PTPRD: variants seen among roughly 807,000 people sequenced by gnomAD.
The protein encoded by PTPRD is receptor-type tyrosine-protein phosphatase delta.
A neutral mutation model predicts 214.5 loss-of-function variants in PTPRD; 34 were observed. The observed-to-expected ratio is 0.16, with a 90% CI of 0.12 to 0.21. The LOEUF (loss-of-function observed/expected upper bound fraction) is 0.21. Among genes scored for constraint, PTPRD ranks in the 10% least tolerant of loss-of-function variants. PTPRD has a pLI of 1.00. For missense variants in PTPRD, 2,545 were observed against 2,398.7 expected (o/e 1.06, Z -1.27); for synonymous variants, 1,128 against 845.7 (o/e 1.33, Z -5.79).
intron 36 of PTPRD, among the ~76,000 whole-genome samples, chr9:8,396,938 T>G (rs959257168): frequency 1.3e-5 from 2 of 152,178 alleles, no homozygotes; most frequent in Non-Finnish European, 2.9e-5. Flanking sequence ...TTTTATGTAT[T>G]TTTTTAAAAA....
intron 3 of PTPRD, among the ~76,000 whole-genome samples, chr9:10,129,326 T>G (rs953504016): frequency 6.6e-6 from 1 of 152,112 alleles, no homozygotes; most frequent in South Asian, 2.1e-4. Flanking sequence ...TCTTTAATCA[T>G]CAAAATTTGT....
At chr9:8,616,507 C>T (rs2095616320) in intron 14 of PTPRD, among the ~76,000 whole-genome samples, 1 of 152,106 alleles carries the variant, frequency 6.6e-6, no homozygotes, top group South Asian at 2.1e-4. Flanking sequence ...TTACTTCAGA[C>T]TCTAGGCAGA....
rs1598324276 is a variant in PTPRD at position 9,804,417 on chromosome 9, T to C, written c.-367-37566A>G. 2.6e-5 allele frequency among the ~76,000 whole-genome samples: 4 copies of C among 152,290 alleles called. No individual in the cohort carries two copies. In the South Asian group the frequency reaches 8.3e-4, roughly 32 times the overall value. ...AAAAAGTTTAAATGGGTAAATTGAA[T>C]GTCTACTAAAATTGTGAATTTATGA... On this transcript the variant is annotated intron_variant, in intron 5 of 45. Coordinates refer to ENST00000381196, the MANE Select transcript of PTPRD (RefSeq NM_002839.4).
At chr9:9,748,952 G>C (rs1157261038) in intron 6 of PTPRD, among the ~76,000 whole-genome samples, 1 of 152,142 alleles carries the variant, frequency 6.6e-6, no homozygotes, top group Non-Finnish European at 1.5e-5. Flanking sequence ...GTGATAATTT[G>C]AGGTGGGAAA....
At chr9:9,971,572 G>A (rs2095104844) in intron 4 of PTPRD, among the ~76,000 whole-genome samples, 1 of 152,146 alleles carries the variant, frequency 6.6e-6, no homozygotes, top group African/African-American at 2.4e-5. Flanking sequence ...TATGGCATAG[G>A]ATTCAATTAA....
intron 11 of PTPRD, among the ~76,000 whole-genome samples, chr9:8,766,845 G>A (rs1194838537): frequency 1.3e-5 from 2 of 152,112 alleles, no homozygotes; most frequent in Non-Finnish European, 2.9e-5. Flanking sequence ...ATGTGTTTGT[G>A]ACCAGACATA....
chr9:9,980,920 G>A (rs1047594181), intron 4 of PTPRD, among the ~76,000 whole-genome samples: 14 of 104,814 alleles, frequency 1.3e-4, no homozygotes, highest in Non-Finnish European at 2.7e-4. Flanking sequence ...GCTATTGAGA[G>A]AAAAGGGAAT....
intron 11 of PTPRD, among the ~76,000 whole-genome samples, chr9:8,871,772 A>G (rs2098303484): frequency 7.1e-6 from 1 of 141,680 alleles, no homozygotes; most frequent in East Asian, 2.4e-4. Flanking sequence ...TTACCTTGGT[A>G]CAGCAATAAT....
chr9:9,518,543 T>C (rs2096890312), intron 8 of PTPRD, among the ~76,000 whole-genome samples: 1 of 152,094 alleles, frequency 6.6e-6, no homozygotes, highest in Non-Finnish European at 1.5e-5. Flanking sequence ...GAAATTGATA[T>C]TCTGGCAATG....
chr9:9,179,815 T>C (rs2099927107), intron 10 of PTPRD, among the ~76,000 whole-genome samples: 1 of 152,056 alleles, frequency 6.6e-6, no homozygotes, highest in East Asian at 1.9e-4. Context: ...TGAATTCTTG[T>C]GTGATGTAGC....
intron 4 of PTPRD, among the ~76,000 whole-genome samples, chr9:9,974,821 G>A (rs1017153113): frequency 5.3e-5 from 8 of 152,100 alleles, no homozygotes; most frequent in African/African-American, 1.2e-4. Flanking sequence ...AATATTCGTT[G>A]AATTAATAAA....
At chr9:10,366,914 C>T (rs1244911756) in intron 2 of PTPRD, among the ~76,000 whole-genome samples, 2 of 151,862 alleles carry the variant, frequency 1.3e-5, no homozygotes, top group East Asian at 3.9e-4. Flanking sequence ...AAAAGAACAC[C>T]AGGATAATGA....
At chr9:10,134,166 A>G (rs2098924636) in intron 3 of PTPRD, among the ~76,000 whole-genome samples, 1 of 152,054 alleles carries the variant, frequency 6.6e-6, no homozygotes, top group Admixed American at 6.6e-5. Context: ...ACCCACAGAC[A>G]TATACCACAA....
At chr9:8,708,360 G>T (rs943400491) in intron 12 of PTPRD, among the ~76,000 whole-genome samples, 7 of 152,020 alleles carry the variant, frequency 4.6e-5, no homozygotes, top group African/African-American at 1.7e-4. Flanking sequence ...AAACAGTATG[G>T]AAGTTCCTTA....
At chr9:9,444,555 T>C (rs1368957333) in intron 8 of PTPRD, among the ~76,000 whole-genome samples, 3 of 152,194 alleles carry the variant, frequency 2.0e-5, no homozygotes, top group African/African-American at 7.2e-5. Flanking sequence ...TAAACACAGA[T>C]GTTTTTATGG....
At chr9:8,564,486 G>A (rs896122074) in intron 14 of PTPRD, among the ~76,000 whole-genome samples, 3 of 152,004 alleles carry the variant, frequency 2.0e-5, no homozygotes, top group African/African-American at 7.2e-5. Flanking sequence ...GATCACTTGA[G>A]GAGTTTGAGT....
intron 9 of PTPRD, among the ~76,000 whole-genome samples, chr9:9,363,274 A>G (rs910003855): frequency 6.6e-6 from 1 of 151,184 alleles, no homozygotes; most frequent in African/African-American, 2.4e-5. Flanking sequence ...AATGCCTCTC[A>G]GAATCATAAC....
intron 2 of PTPRD, among the ~76,000 whole-genome samples, chr9:10,349,365 C>G: frequency 6.6e-6 from 1 of 152,118 alleles, no homozygotes; most frequent in Non-Finnish European, 1.5e-5. Flanking sequence ...CACAAACACA[C>G]ATTCATACAT....
chr9:8,387,266 C>A (rs1176647605), intron 37 of PTPRD, among the ~76,000 whole-genome samples: 1 of 152,116 alleles, frequency 6.6e-6, no homozygotes, highest in East Asian at 1.9e-4. Context: ...TAGCCTGCAA[C>A]AGAAAGATAA....
Sources: gnomAD v4.1 joint callset for allele counts (sites outside exome capture counted in the v4.1 genomes callset) on GRCh38, gnomAD v4.1.1 for gene constraint, MANE v1.5 for transcripts, NCBI Gene and HGNC (gene_info 2026-07-23, HGNC 2026-07-21) for gene names.